Variants in CAAP1 observed in about 807,000 individuals in gnomAD.
The protein encoded by CAAP1 is conserved anti-apoptotic protein.
In CAAP1, 20 loss-of-function variants were observed where a neutral mutation model predicts 34.0. That is an observed-to-expected ratio of 0.59 (90% CI 0.41 to 0.86). CAAP1 has a LOEUF of 0.86. Among genes scored for constraint, CAAP1 ranks in the 40% least tolerant of loss-of-function variants. CAAP1 has a pLI of 0.00. For missense variants in CAAP1, 538 were observed against 450.5 expected (o/e 1.19, Z -1.76); for synonymous variants, 213 against 166.7 (o/e 1.28, Z -2.14).
intron 5 of CAAP1, 82 bp downstream of exon 5, chr9:26,860,984 T>TACC: frequency 1.0e-6 from 1 of 976,940 alleles, no homozygotes; most frequent in Non-Finnish European, 1.6e-6. Context: ...TGGGGTGAGT[T>TACC]AGACACTGAA....
chr9:26,884,290 A>C (rs553984303), intron 4 of CAAP1, among the ~76,000 whole-genome samples: 1 of 152,342 alleles, frequency 6.6e-6, no homozygotes, highest in East Asian at 1.9e-4. Flanking sequence ...ATTAGTCAGC[A>C]TCCCAAAACT....
intron 3 of CAAP1, among the ~76,000 whole-genome samples, chr9:26,885,103 G>C (rs1262753227): frequency 7.2e-6 from 1 of 138,848 alleles, no homozygotes; most frequent in African/African-American, 2.7e-5. Context: ...TTTAGACGGA[G>C]TGTCACACTG....
At chr9:26,892,330 G>A in intron 1 of CAAP1, 83 bp downstream of exon 1, 1 of 1,561,014 alleles carries the variant, frequency 6.4e-7, no homozygotes, top group South Asian at 1.2e-5. Context: ...GTGAGCTCCA[G>A]CCTGCGCCCC....
intron 5 of CAAP1, among the ~76,000 whole-genome samples, chr9:26,860,370 A>G (rs1822974294): frequency 6.6e-6 from 1 of 152,252 alleles, no homozygotes; most frequent in African/African-American, 2.4e-5. Flanking sequence ...TGAAGAAAGT[A>G]AGTAAACAAG....
chr9:26,866,001 T>C (rs12352549), intron 4 of CAAP1, among the ~76,000 whole-genome samples: 3,376 of 152,046 alleles, frequency 0.022, 128 homozygotes, highest in African/African-American at 0.077. Context: ...CACATACCAC[T>C]ATACCCGGTT....
intron 5 of CAAP1, among the ~76,000 whole-genome samples, chr9:26,857,141 C>T (rs1822888372): frequency 6.6e-6 from 1 of 152,098 alleles, no homozygotes; most frequent in Admixed American, 6.6e-5. Flanking sequence ...TTTATATAAG[C>T]CACCATTATA....
At chr9:26,878,626 C>A (rs1432019486) in intron 4 of CAAP1, among the ~76,000 whole-genome samples, 3 of 152,144 alleles carry the variant, frequency 2.0e-5, no homozygotes, top group Non-Finnish European at 4.4e-5. Flanking sequence ...TCCTCCACTT[C>A]CACACAGTTC....
rs145646300 is a variant in CAAP1, at chr9:26,868,701, C to T, written c.666-7562G>A. ...GGATATAGGAACAAGTCAAATAACA[C>T]CATGAAGATACAATCAGATAAAGCC... On this transcript the variant is annotated intron_variant, in intron 4 of 5. Coordinates refer to ENST00000333916, the MANE Select transcript of CAAP1 (RefSeq NM_024828.4). 3.8e-3 allele frequency among the ~76,000 whole-genome samples: 579 copies of T among 152,238 alleles called. 6 individuals carry two copies. Among genetic ancestry groups the T allele is most frequent in the African/African-American group, 0.013 (555 of 41,546 alleles).
intron 5 of CAAP1, among the ~76,000 whole-genome samples, chr9:26,849,639 T>A (rs1427833277): frequency 6.6e-6 from 1 of 152,196 alleles, no homozygotes; most frequent in Non-Finnish European, 1.5e-5. Flanking sequence ...TGGATTTCAA[T>A]AACATTAGTT....
At chr9:26,863,810 T>A (rs914859508) in intron 4 of CAAP1, among the ~76,000 whole-genome samples, 12 of 151,904 alleles carry the variant, frequency 7.9e-5, no homozygotes, top group African/African-American at 2.9e-4. Flanking sequence ...TTTTTCTTTT[T>A]TGAGACAGGT....
chr9:26,892,399 G>C lies in CAAP1; in HGVS notation c.303+14C>G, dbSNP rs752995346. 16 of 1,604,212 alleles carry C rather than the reference G, an allele frequency of 1.0e-5. No homozygotes were observed. The Admixed American group carries it at 1.7e-4, about 17-fold the overall frequency. The stretch of plus-strand genomic sequence containing the variant: ...CAGCAGCTCCAGGAAGCGGCCAGAG[G>C]GGCGCGCACGCACCTGCTGCAAGGA... On this transcript the variant is annotated intron_variant, in intron 1 of 5. Transcript: ENST00000333916.
intron 5 of CAAP1, among the ~76,000 whole-genome samples, chr9:26,859,459 A>C (rs1361618583): frequency 6.6e-6 from 1 of 152,160 alleles, no homozygotes; most frequent in Non-Finnish European, 1.5e-5. Flanking sequence ...CAACCTGCCC[A>C]TTCTAGCTTT....
intron 4 of CAAP1, among the ~76,000 whole-genome samples, chr9:26,865,786 G>A (rs1823121780): frequency 6.6e-6 from 1 of 152,134 alleles, no homozygotes; most frequent in African/African-American, 2.4e-5. Context: ...TTTTCCAGAT[G>A]AGAAAAACTG....
At chr9:26,859,879 A>C (rs1298840781) in intron 5 of CAAP1, among the ~76,000 whole-genome samples, 1 of 152,236 alleles carries the variant, frequency 6.6e-6, no homozygotes. Flanking sequence ...AGAATTACAG[A>C]AAATCTAGAT....
chr9:26,882,110 A>C (rs1226403602), intron 4 of CAAP1, among the ~76,000 whole-genome samples: 2 of 152,224 alleles, frequency 1.3e-5, no homozygotes, highest in Non-Finnish European at 2.9e-5. Context: ...TCAGTTTTAA[A>C]AGGGAAACAG....
intron 4 of CAAP1, among the ~76,000 whole-genome samples, chr9:26,867,014 C>T (rs1445197175): frequency 2.0e-5 from 3 of 152,082 alleles, no homozygotes; most frequent in Non-Finnish European, 4.4e-5. Flanking sequence ...GCCTGAGCTC[C>T]ACCCCACATT....
chr9:26,881,595 T>C (rs1308197004), intron 4 of CAAP1, among the ~76,000 whole-genome samples: 3 of 152,368 alleles, frequency 2.0e-5, no homozygotes, highest in East Asian at 3.9e-4. Flanking sequence ...CTCAGCCATA[T>C]GGAACTGTGA....
At chr9:26,870,105 C>T in intron 4 of CAAP1, 1 of 218,866 alleles carries the variant, frequency 4.6e-6, no homozygotes, top group Non-Finnish European at 7.7e-6. Flanking sequence ...TTCCCAAGTC[C>T]CTCAAAGTTC....
rs1006888589 is a variant in CAAP1 at position 26,846,707 on chromosome 9, G to C, written c.740-4060C>G. On this transcript the variant is annotated intron_variant, in intron 5 of 5. Transcript: ENST00000333916. ...TTAATTTTTCTTCTTTTTTTTTTGA[G>C]ACAGAGTTGCACTCTTGCTGCCCAG... 2.1e-4 allele frequency among the ~76,000 whole-genome samples: 32 copies of C among 150,592 alleles called. 1 individual carries two copies. Among genetic ancestry groups the C allele is most frequent in the Admixed American group, 1.5e-3 (22 of 15,146 alleles).
Sources: gnomAD v4.1 joint callset for allele counts (sites outside exome capture counted in the v4.1 genomes callset) on GRCh38, gnomAD v4.1.1 for gene constraint, MANE v1.5 for transcripts, NCBI Gene and HGNC (gene_info 2026-07-23, HGNC 2026-07-21) for gene names.